Variants in SAMD8 observed in about 807,000 individuals in gnomAD.
The protein encoded by SAMD8 is sphingomyelin synthase-related protein 1.
Under a neutral mutation model 42.0 loss-of-function variants are expected in SAMD8, and 20 were observed. That is an observed-to-expected ratio of 0.48 (90% CI 0.34 to 0.69). The LOEUF (loss-of-function observed/expected upper bound fraction) is 0.69, where lower values mean the gene tolerates loss of function less well. Among genes scored for constraint, SAMD8 ranks in the 30% least tolerant of loss-of-function variants. SAMD8 has a pLI of 0.01. For missense variants in SAMD8, 328 were observed against 511.6 expected (o/e 0.64, Z 3.46); for synonymous variants, 162 against 173.0 (o/e 0.94, Z 0.50).
rs1841086303 is a variant in SAMD8 at position 75,181,875 on chromosome 10, A to G, written c.*5183A>G. 6.6e-6 allele frequency: 1 copy of G among 152,268 alleles called. No homozygotes were observed. Among genetic ancestry groups the G allele is most frequent in the Admixed American group, 6.5e-5 (1 of 15,292 alleles). 9.4% of individuals were successfully genotyped at this position (152,268 alleles called of 1,614,324 possible). A position where few individuals can be genotyped will look rare whatever the true frequency, so the allele number is the denominator to read the frequency against. On this transcript the variant is annotated 3_prime_UTR_variant, in exon 6 of 6. Transcript: ENST00000542569. The stretch of plus-strand genomic sequence containing the variant: ...GGTACTTAATGGGGGAAGCAAAATT[A>G]GCTGGGACTAAAACGGACATGTTTT...
intron 4 of SAMD8, 29 bp downstream of exon 4, chr10:75,168,687 GT>G: frequency 2.8e-6 from 4 of 1,445,580 alleles, no homozygotes; most frequent in East Asian, 2.3e-5. Context: ...TATCATTCTT[GT>G]TTTTGGTGGG....
upstream of SAMD8, chr10:75,108,359 G>T: frequency 1.5e-6 from 2 of 1,370,232 alleles, no homozygotes; most frequent in Non-Finnish European, 1.9e-6. Context: ...TGACTCCACA[G>T]CCCTATACCC....
rs145366712 is a variant in SAMD8 at position 75,150,811 on chromosome 10, G to A, written c.283G>A (p.Gly95Ser). 202 of 1,614,032 alleles carry A rather than the reference G, an allele frequency of 1.3e-4. No individual in the cohort carries two copies. The highest frequency in any genetic ancestry group is 1.6e-4 in the Non-Finnish European group (190 of 1,180,036). The change falls in exon 2 of 6, where the codon GGT (glycine) becomes AGT (serine). Residue 95 changes from glycine to serine, a missense_variant. Coordinates refer to ENST00000542569, the MANE Select transcript of SAMD8 (RefSeq NM_001174156.2). The part of the protein sequence containing the change: ...EMGYNSDSPM[G>S]SMTPFISALQ... ...GGGCTACAACAGTGACAGTCCCATG[G>A]GTTCCATGACCCCTTTCATCAGTGC...
At chr10:75,148,375 A>G in intron 1 of SAMD8, among the ~76,000 whole-genome samples, 1 of 82,632 alleles carries the variant, frequency 1.2e-5, no homozygotes, top group Non-Finnish European at 1.9e-5. Flanking sequence ...TTTTTTTGAG[A>G]CAGAGTCTTG....
upstream of SAMD8, chr10:75,107,866 C>T (rs1333011501): frequency 2.5e-6 from 3 of 1,185,480 alleles, no homozygotes; most frequent in African/African-American, 4.6e-5. Flanking sequence ...CATGAGCCAC[C>T]ACACACGGCC....
rs1841028374 is a variant in SAMD8 at position 75,178,569 on chromosome 10, T to C, written c.*1877T>C. On this transcript the variant is annotated 3_prime_UTR_variant, in exon 6 of 6. Coordinates refer to ENST00000542569, the MANE Select transcript of SAMD8 (RefSeq NM_001174156.2). ...TCAAAAAACTGTATGGCAACATTAA[T>C]GCTAAAATGTTAAGCCGAGTGCAGT... 6.6e-6 allele frequency: 1 copy of C among 152,212 alleles called. No homozygotes were observed. Among genetic ancestry groups the C allele is most frequent in the Non-Finnish European group, 1.5e-5 (1 of 68,052 alleles). 9.4% of individuals were successfully genotyped at this position (152,212 alleles called of 1,614,324 possible). A position where few individuals can be genotyped will look rare whatever the true frequency, so the allele number is the denominator to read the frequency against.
intron 2 of SAMD8, among the ~76,000 whole-genome samples, chr10:75,158,408 A>G (rs1430870758): frequency 1.3e-5 from 2 of 152,180 alleles, no homozygotes; most frequent in South Asian, 2.1e-4. Context: ...CCTGGCCAAC[A>G]TGGCGAAACC....
intron 1 of SAMD8, chr10:75,101,819 G>T: frequency 2.5e-6 from 3 of 1,196,522 alleles, no homozygotes; most frequent in Non-Finnish European, 3.4e-6. Flanking sequence ...TACCCAGCAT[G>T]CTCAGGGACC....
At chr10:75,131,083 G>A (rs1455973528) in intron 1 of SAMD8, among the ~76,000 whole-genome samples, 1 of 152,224 alleles carries the variant, frequency 6.6e-6, no homozygotes, top group African/African-American at 2.4e-5. Context: ...AGATCAAGCA[G>A]TTGTTGTTAT....
chr10:75,118,439 TTCG>T (rs1167592802), intron 1 of SAMD8, among the ~76,000 whole-genome samples: 1 of 152,134 alleles, frequency 6.6e-6, no homozygotes, highest in Admixed American at 6.5e-5. Context: ...GAGATCAGAG[TTCG>T]AGACCAGCCT....
chr10:75,113,579 T>A (rs1320595459), intron 1 of SAMD8, among the ~76,000 whole-genome samples: 1 of 151,966 alleles, frequency 6.6e-6, no homozygotes, highest in Admixed American at 6.5e-5. Flanking sequence ...TGTTTAATCT[T>A]CATGAGATGA....
chr10:75,124,015 A>G (rs1348029887), intron 1 of SAMD8, among the ~76,000 whole-genome samples: 2 of 152,138 alleles, frequency 1.3e-5, no homozygotes, highest in African/African-American at 2.4e-5. Context: ...GGCGTGAGCC[A>G]CTGCACCCAG....
intron 1 of SAMD8, among the ~76,000 whole-genome samples, chr10:75,147,773 G>T (rs1227817463): frequency 6.6e-6 from 1 of 152,134 alleles, no homozygotes; most frequent in Non-Finnish European, 1.5e-5. Context: ...AGTAGGTAGG[G>T]TGAAAGCATC....
Position 75,153,163 on chromosome 10 carries a change from G to A in SAMD8, c.578+2057G>A, listed in dbSNP as rs190676490. On this transcript the variant is annotated intron_variant, in intron 2 of 5. Transcript: ENST00000542569. Reference sequence around the variant, plus strand: ...CGACCGGCTAATTTTTGTATATTTAGTAGAGACGAGGTTTCACAGTGTTGG... The same window carrying A: ...CGACCGGCTAATTTTTGTATATTTAATAGAGACGAGGTTTCACAGTGTTGG... 3.4e-3 allele frequency among the ~76,000 whole-genome samples: 517 copies of A among 152,010 alleles called. 2 individuals are homozygous for A. The highest frequency in any genetic ancestry group is 0.012 in the African/African-American group (479 of 41,508).
At chr10:75,129,404 A>T (rs955858336) in intron 1 of SAMD8, among the ~76,000 whole-genome samples, 13 of 151,892 alleles carry the variant, frequency 8.6e-5, no homozygotes, top group Non-Finnish European at 1.9e-4. Flanking sequence ...CCACACCCAG[A>T]TAATTTTTGT....
intron 1 of SAMD8, among the ~76,000 whole-genome samples, chr10:75,106,105 T>TC (rs202042000): frequency 0.23 from 32,801 of 140,980 alleles, 3,792 homozygotes; most frequent in East Asian, 0.56. Context: ...TCTTTTCTTT[T>TC]TTTTTTTTTT....
At chr10:75,156,066 T>C (rs1250488712) in intron 2 of SAMD8, among the ~76,000 whole-genome samples, 1 of 152,012 alleles carries the variant, frequency 6.6e-6, no homozygotes, top group Non-Finnish European at 1.5e-5. Context: ...AAAAATTAGC[T>C]AGGTGCGGTG....
intron 2 of SAMD8, among the ~76,000 whole-genome samples, chr10:75,154,433 A>G (rs1374436603): frequency 6.6e-6 from 1 of 152,204 alleles, no homozygotes; most frequent in Non-Finnish European, 1.5e-5. Context: ...GGCAAAGCAA[A>G]CAGCTGGGTG....
At chr10:75,121,197 A>G (rs1229776552) in intron 1 of SAMD8, among the ~76,000 whole-genome samples, 5 of 152,216 alleles carry the variant, frequency 3.3e-5, no homozygotes, top group Admixed American at 6.5e-5. Context: ...CTCATTTTAC[A>G]GATAAAGACA....
Sources: gnomAD v4.1 joint callset for allele counts (sites outside exome capture counted in the v4.1 genomes callset) on GRCh38, gnomAD v4.1.1 for gene constraint, MANE v1.5 for transcripts, NCBI Gene and HGNC (gene_info 2026-07-23, HGNC 2026-07-21) for gene names.